UPF3B: variants seen among roughly 807,000 people sequenced by gnomAD.
The protein encoded by UPF3B is regulator of nonsense transcripts 3B.
A neutral mutation model predicts 40.3 loss-of-function variants in UPF3B; 7 were observed. The observed-to-expected ratio is 0.17, with a 90% CI of 0.10 to 0.33. The LOEUF is 0.33. Among genes scored for constraint, UPF3B ranks in the 10% least tolerant of loss-of-function variants. UPF3B has a pLI of 1.00. For missense variants in UPF3B, 229 were observed against 358.9 expected, an observed-to-expected ratio of 0.64 and a Z score of 2.93; for synonymous variants, 117 against 117.3, an observed-to-expected ratio of 1.00 and a Z score of 0.01.
Position 119,827,856 on chromosome X carries a change from C to T in UPF3B, c.392+3796G>A, listed in dbSNP as rs1362593256. On this transcript the variant is annotated intron_variant, in intron 3 of 6. Coordinates refer to the UPF3B transcript ENST00000636792. ...AAGCAATTCTCCCACCTCAGCCTCC[C>T]GAGTAGCTGGGATTACAGGCACCCA... Among the ~76,000 whole-genome samples the T allele has an allele frequency of 5.5e-5, 6 of 109,889 alleles. No individual in the cohort carries two copies. The Admixed American group carries it at 5.8e-4, about 11-fold the overall frequency.
chrX:119,812,253 A>C (rs1466824132), intron 5 of UPF3B, among the ~76,000 whole-genome samples: 1 of 103,119 alleles, frequency 9.7e-6, no homozygotes, highest in African/African-American at 3.7e-5. Flanking sequence ...ACTCTGTCTT[A>C]AAAAAAAAAG....
Position 119,852,737 on chromosome X carries a change from T to C in UPF3B, c.156+36A>G, listed in dbSNP as rs773335056. 52 of 1,210,454 alleles carry C rather than the reference T, an allele frequency of 4.3e-5. No individual in the cohort carries two copies. The Middle Eastern group carries it at 9.7e-4, about 22-fold the overall frequency. On this transcript the variant is annotated intron_variant, in intron 1 of 10. Transcript: ENST00000276201. ...CCATCCTCCCCGCGCTGCGGACTCG[T>C]CCCGCCCTCTCCCGGGCCAGCGGCC...
chrX:119,836,447 G>C (rs982524130), intron 10 of UPF3B, among the ~76,000 whole-genome samples: 4 of 111,185 alleles, frequency 3.6e-5, no homozygotes, highest in African/African-American at 1.3e-4. Context: ...AGGAATTATT[G>C]TTAGTTTTTT....
chrX:119,821,042 T>C (rs2055912464), intron 4 of UPF3B, among the ~76,000 whole-genome samples: 1 of 111,381 alleles, frequency 9.0e-6, no homozygotes, highest in East Asian at 2.8e-4. Flanking sequence ...GTGTTGTAGG[T>C]GGGGCCTGGT....
chrX:119,829,522 C>T (rs7881774), downstream of UPF3B, among the ~76,000 whole-genome samples: 4,177 of 111,826 alleles, frequency 0.037, 204 homozygotes, highest in African/African-American at 0.13. Context: ...ATGCCATGGC[C>T]TTTGTCAGGC....
intron 10 of UPF3B, among the ~76,000 whole-genome samples, chrX:119,836,651 G>T (rs754182761): frequency 9.5e-6 from 1 of 105,499 alleles, no homozygotes; most frequent in Non-Finnish European, 1.9e-5. Flanking sequence ...CATACTATTC[G>T]ATTTTTTTTT....
At chrX:119,832,914 A>T (rs2428241), downstream of UPF3B, among the ~76,000 whole-genome samples, 20,956 of 111,245 alleles carry the variant, frequency 0.19, 3,228 homozygotes, top group African/African-American at 0.52. Context: ...CGGACTACCT[A>T]ACGTATGCAT....
intron 5 of UPF3B, among the ~76,000 whole-genome samples, chrX:119,810,544 G>A (rs1203907786): frequency 1.8e-5 from 2 of 112,074 alleles, no homozygotes; most frequent in Non-Finnish European, 1.9e-5. Flanking sequence ...AATTTTGCTT[G>A]TTGACTTTCT....
At chrX:119,830,062 A>G (rs918258381), downstream of UPF3B, among the ~76,000 whole-genome samples, 2 of 111,712 alleles carry the variant, frequency 1.8e-5, no homozygotes, top group Admixed American at 9.6e-5. Context: ...GCTCTTCTAC[A>G]TGCCTCTTGG....
chrX:119,846,505 TAAAA>T (rs780880120), intron 3 of UPF3B, among the ~76,000 whole-genome samples: 2,753 of 58,048 alleles, frequency 0.047, 85 homozygotes, highest in African/African-American at 0.13. Flanking sequence ...TCGAGCCTGG[TAAAA>T]AAAAAAAAAA....
intron 5 of UPF3B, among the ~76,000 whole-genome samples, chrX:119,842,861 A>G (rs2056183438): frequency 9.0e-6 from 1 of 111,728 alleles, no homozygotes; most frequent in African/African-American, 3.3e-5. Flanking sequence ...TCGTATTTTC[A>G]AGTCAAAATT....
At chrX:119,815,167 C>T in intron 5 of UPF3B, 1 of 726,148 alleles carries the variant, frequency 1.4e-6, no homozygotes, top group Non-Finnish European at 1.6e-6. Context: ...CACCCAGCCT[C>T]TCCTCTTCTT....
In UPF3B at chrX:119,843,281, A is replaced by T; in HGVS notation, c.490T>A (p.Leu164Met). The change falls in exon 5 of 11, where the codon TTG becomes ATG. Residue 164 changes from leucine to methionine, a missense_variant. Leu to Met is a conservative substitution (Grantham distance 15). This residue lies in a region of UPF3B where 87 missense variants were observed against 184.2 expected (regional missense o/e 0.47). Transcript: ENST00000276201. ...IDDDPEYRKF[L>M]ESYATDNEKM... Reference sequence around the variant, plus strand: ...TCATTATCTGTGGCATAACTTTCCAAAAACTTTCTATATTCTGGATCTAAA... The same window carrying T: ...TCATTATCTGTGGCATAACTTTCCATAAACTTTCTATATTCTGGATCTAAA... 1 of 1,183,615 alleles carries T rather than the reference A, an allele frequency of 8.4e-7. No individual in the cohort carries two copies.
chrX:119,828,084 C>T (rs1036364232), intron 3 of UPF3B, among the ~76,000 whole-genome samples: 6 of 107,516 alleles, frequency 5.6e-5, no homozygotes, highest in South Asian at 4.1e-4. Flanking sequence ...GCCGGAGTCT[C>T]GCTCTGTTGC....
At chrX:119,805,780 G>C (rs2147746647) in intron 6 of UPF3B, among the ~76,000 whole-genome samples, 1 of 102,566 alleles carries the variant, frequency 9.7e-6, no homozygotes, top group Admixed American at 1.1e-4. Context: ...AAACCACAAT[G>C]AGATACCATC....
At chrX:119,831,191 G>A (rs780068347), downstream of UPF3B, among the ~76,000 whole-genome samples, 1 of 111,837 alleles carries the variant, frequency 8.9e-6, no homozygotes, top group Non-Finnish European at 1.9e-5. Flanking sequence ...TACCCCACGA[G>A]CAGAGCGACC....
chrX:119,844,362 A>G (rs1273329908), intron 4 of UPF3B, among the ~76,000 whole-genome samples: 1 of 109,710 alleles, frequency 9.1e-6, no homozygotes, highest in Non-Finnish European at 1.9e-5. Flanking sequence ...CAGTTCTTCT[A>G]TTCCTGTTCA....
At chrX:119,831,472 C>T (rs184254626), downstream of UPF3B, among the ~76,000 whole-genome samples, 7 of 111,001 alleles carry the variant, frequency 6.3e-5, no homozygotes, top group African/African-American at 2.0e-4. Context: ...GCACCTGCCC[C>T]GACACCCGAC....
At position 119,851,960 on chromosome X, in the gene UPF3B, G is replaced by A. The variant is rs1399017742; in HGVS notation, c.157-87C>T. 8.0e-6 allele frequency: 5 copies of A among 626,516 alleles called. No homozygotes were observed. The Admixed American group carries it at 1.2e-4, about 15-fold the overall frequency. The allele number at this position is 626,516 out of a possible 1,213,427, so 51.6% of individuals were successfully genotyped here. A position where few individuals can be genotyped will look rare whatever the true frequency, so the allele number is the denominator to read the frequency against. On this transcript the variant is annotated intron_variant, in intron 1 of 10. Coordinates refer to ENST00000276201, the MANE Select transcript of UPF3B (RefSeq NM_080632.3). ...AATCACAGTTCCTGAAGAAGGCTGGGCTTTAAAATATGAGATCACTTGTAA... is the reference window on the plus strand; with the variant it reads ...AATCACAGTTCCTGAAGAAGGCTGGACTTTAAAATATGAGATCACTTGTAA...
Sources: allele counts gnomAD v4.1 joint callset (sites outside exome capture counted in the v4.1 genomes callset), GRCh38; gene constraint gnomAD v4.1.1; regional missense constraint gnomAD v4.1.1; transcripts MANE v1.5; gene names NCBI Gene and HGNC (gene_info 2026-07-23, HGNC 2026-07-21).